The following PACRG variants were observed in gnomAD, a reference collection of about 807,000 sequenced individuals.
The protein encoded by PACRG is parkin coregulated, also known as parkin coregulated gene protein.
PACRG carries 29 observed loss-of-function variants against 29.7 expected under a neutral mutation model. That is an observed-to-expected ratio of 0.98 (90% confidence interval 0.73 to 1.33). The LOEUF (loss-of-function observed/expected upper bound fraction) is 1.33. PACRG is among the 40% of genes most tolerant of loss of function. The pLI is 0.00. For missense variants in PACRG, 279 were observed against 316.2 expected (o/e 0.88, Z 0.89); for synonymous variants, 116 against 118.7 (o/e 0.98, Z 0.15).
chr6:162,987,167 G>C (rs950019756), intron 2 of PACRG, among the ~76,000 whole-genome samples: 1 of 152,016 alleles, frequency 6.6e-6, no homozygotes, highest in Non-Finnish European at 1.5e-5. Flanking sequence ...GAAAAATCTG[G>C]AACTCAAGTC....
intron 2 of PACRG, among the ~76,000 whole-genome samples, chr6:162,947,358 T>TG (rs1562765737): frequency 2.0e-4 from 11 of 56,010 alleles, no homozygotes; most frequent in African/African-American, 7.9e-4. Context: ...TACATATATA[T>TG]AATGTAATCA....
intron 2 of PACRG, among the ~76,000 whole-genome samples, chr6:163,006,209 CAT>C (rs3058703): frequency 0.42 from 57,231 of 136,930 alleles, 11,950 homozygotes; most frequent in East Asian, 0.7. Context: ...ATATATATCC[CAT>C]ATATATATAT....
chr6:162,850,758 T>G (rs1165582785), intron 2 of PACRG, among the ~76,000 whole-genome samples: 2 of 152,182 alleles, frequency 1.3e-5, no homozygotes, highest in South Asian at 2.1e-4. Flanking sequence ...ACCAGTAAAC[T>G]TAAGTGTTTC....
intron 4 of PACRG, among the ~76,000 whole-genome samples, chr6:163,230,220 A>G (rs1270044285): frequency 6.6e-6 from 1 of 152,228 alleles, no homozygotes; most frequent in Non-Finnish European, 1.5e-5. Flanking sequence ...CTTTAAGATA[A>G]AGCATTCAAT....
At chr6:162,829,613 G>T (rs1230151146) in intron 2 of PACRG, among the ~76,000 whole-genome samples, 1 of 152,156 alleles carries the variant, frequency 6.6e-6, no homozygotes, top group Non-Finnish European at 1.5e-5. Context: ...TCGATGGTGG[G>T]ACCGTAAGAT....
chr6:162,822,929 ATGT>A (rs1787966864), intron 2 of PACRG, among the ~76,000 whole-genome samples: 1 of 151,984 alleles, frequency 6.6e-6, no homozygotes, highest in African/African-American at 2.4e-5. Flanking sequence ...CATATAACAT[ATGT>A]TATTATGTTA....
In PACRG at chr6:162,742,043, C is replaced by T. The variant is rs188410102; in HGVS notation, c.156+13652C>T. 6.6e-5 allele frequency among the ~76,000 whole-genome samples: 10 copies of T among 152,202 alleles called. No homozygotes were observed. In the East Asian group the frequency reaches 1.7e-3, roughly 27 times the overall value. ...TAACTAAAATTTTATGTCCTATCAC[C>T]AACATCATCCCAACTCCCTCATCTC... On this transcript the variant is annotated intron_variant, in intron 1 of 4. Transcript: ENST00000366888.
At chr6:163,043,199 G>A (rs1033018815) in intron 2 of PACRG, 1 of 152,152 alleles carries the variant, frequency 6.6e-6, no homozygotes, top group African/African-American at 2.4e-5. Context: ...AGCACCAAGA[G>A]AGTTTAAGAA....
At chr6:163,113,454 A>C (rs2128320626) in intron 4 of PACRG, among the ~76,000 whole-genome samples, 1 of 152,344 alleles carries the variant, frequency 6.6e-6, no homozygotes, top group South Asian at 2.1e-4. Flanking sequence ...GAGACATATT[A>C]TAATCAAACC....
chr6:163,114,816 A>G (rs1023748665), intron 4 of PACRG, among the ~76,000 whole-genome samples: 5 of 151,950 alleles, frequency 3.3e-5, no homozygotes, highest in East Asian at 3.9e-4. Context: ...ACTCTATTGC[A>G]TACTAGAAAT....
intron 2 of PACRG, among the ~76,000 whole-genome samples, chr6:162,947,470 A>ATAATC (rs372977724): frequency 1.0e-5 from 1 of 96,182 alleles, no homozygotes; most frequent in East Asian, 2.4e-4. Flanking sequence ...AATCATATAT[A>ATAATC]ATATATATAT....
At chr6:163,243,109 T>G (rs1260790930) in intron 4 of PACRG, among the ~76,000 whole-genome samples, 14 of 152,256 alleles carry the variant, frequency 9.2e-5, no homozygotes, top group Admixed American at 9.2e-4. Flanking sequence ...CTTTTCTGCC[T>G]GTAAGCAAGG....
chr6:162,888,355 C>G (rs1179468346), intron 2 of PACRG, among the ~76,000 whole-genome samples: 1 of 152,136 alleles, frequency 6.6e-6, no homozygotes, highest in South Asian at 2.1e-4. Context: ...AGACATGAGG[C>G]CTCCTGCTGG....
intron 2 of PACRG, among the ~76,000 whole-genome samples, chr6:162,899,728 G>A (rs1795421288): frequency 6.6e-6 from 1 of 152,200 alleles, no homozygotes; most frequent in Non-Finnish European, 1.5e-5. Flanking sequence ...ACTTGGCATG[G>A]CAAGAAATCA....
chr6:163,224,198 A>T (rs180925866), intron 4 of PACRG, among the ~76,000 whole-genome samples: 9 of 151,736 alleles, frequency 5.9e-5, no homozygotes, highest in African/African-American at 2.2e-4. Flanking sequence ...GCACAACCCC[A>T]TCTCTACTAA....
chr6:163,166,271 C>T (rs969571211), intron 4 of PACRG: 1 of 423,596 alleles, frequency 2.4e-6, no homozygotes, highest in Non-Finnish European at 4.9e-6. Context: ...CCCTGCTCAA[C>T]AACAACAACA....
chr6:162,812,323 AAAAT>A (rs1209175002), intron 1 of PACRG, among the ~76,000 whole-genome samples: 8 of 152,140 alleles, frequency 5.3e-5, no homozygotes, highest in African/African-American at 1.9e-4. Context: ...AAAATAAAAT[AAAAT>A]AAATGAGGCT....
intron 2 of PACRG, among the ~76,000 whole-genome samples, chr6:162,873,085 C>G (rs1488462575): frequency 2.6e-5 from 4 of 152,180 alleles, no homozygotes; most frequent in Non-Finnish European, 5.9e-5. Flanking sequence ...GAACGCTTAG[C>G]TTGGGCTTTC....
intron 4 of PACRG, among the ~76,000 whole-genome samples, chr6:163,177,710 A>ATT (rs398003265): frequency 0.038 from 2,034 of 53,654 alleles, 299 homozygotes; most frequent in Admixed American, 0.054. Context: ...TAGAAAAGGG[A>ATT]TTTTTTTTTT....
Sources: gnomAD v4.1 joint callset for allele counts (sites outside exome capture counted in the v4.1 genomes callset) on GRCh38, gnomAD v4.1.1 for gene constraint, MANE v1.5 for transcripts, NCBI Gene and HGNC (gene_info 2026-07-23, HGNC 2026-07-21) for gene names.